TTN: variants seen among roughly 807,000 people sequenced by gnomAD.
TTN encodes the protein titin.
Under a neutral mutation model 3,223.0 loss-of-function variants are expected in TTN, and 1,525 were observed. That is an observed-to-expected ratio of 0.47 (90% CI 0.45 to 0.49). TTN has a LOEUF of 0.49. TTN is among the 20% of genes least tolerant of loss of function. The pLI is 0.00. For missense variants in TTN, 40,786 were observed against 43,424.0 expected, an observed-to-expected ratio of 0.94 and a Z score of 5.40; for synonymous variants, 14,094 against 15,161.0, an observed-to-expected ratio of 0.93 and a Z score of 5.17.
At chr2:178,667,105 G>T in intron 162 of TTN, 131 bp downstream of exon 162, 1 of 957,870 alleles carries the variant, frequency 1.0e-6, no homozygotes, top group Non-Finnish European at 1.5e-6. Flanking sequence ...CTTTGTTGTG[G>T]GTATATCAGA....
chr2:178,738,150 C>A lies in TTN; in HGVS notation c.14303G>T (p.Gly4768Val), dbSNP rs2081859448. The A allele has an allele frequency of 6.2e-7, 1 of 1,613,690 alleles. No individual in the cohort carries two copies. Among genetic ancestry groups the A allele is most frequent in the African/African-American group, 1.3e-5 (1 of 74,922 alleles). ...EILRTQVVDC[G>V]EYTCKASNEY... ...ATTGGAAGCTTTGCATGTATACTCG[C>A]CGCAGTCAACCACCTGGGTTCTCAG... The change falls in exon 49 of 363, where the codon GGC (glycine) becomes GTC (valine). Residue 4768 changes from glycine (G) to valine (V), a missense_variant. Gly to Val is a moderately radical substitution (Grantham distance 109). Coordinates refer to ENST00000589042, the MANE Select transcript of TTN (RefSeq NM_001267550.2).
rs956461857 is a variant in TTN at position 178,542,875 on chromosome 2, C to T, written c.96979G>A (p.Val32327Met). 2.5e-6 allele frequency: 4 copies of T among 1,613,784 alleles called. No homozygotes were observed. The highest frequency in any genetic ancestry group is 2.5e-6 in the Non-Finnish European group (3 of 1,179,748). The change falls in exon 348 of 363, where the codon GTG (valine) becomes ATG (methionine). Residue 32327 changes from valine to methionine, a missense_variant. Physicochemically the swap from Val to Met is conservative, Grantham distance 21. Coordinates refer to ENST00000589042, the MANE Select transcript of TTN (RefSeq NM_001267550.2). ...GGTGGACGGCCAGCAATAGGTATCA[C>T]CAGCTCTACTGGTCTGCCAGCTGGG... Reference protein sequence around the residue: ...HVPAGRPVELVIPIAGRPPPA... With the variant: ...HVPAGRPVELMIPIAGRPPPA...
intron 88 of TTN, among the ~76,000 whole-genome samples, chr2:178,716,695 T>C (rs1386927401): frequency 6.6e-6 from 1 of 152,172 alleles, no homozygotes; most frequent in Non-Finnish European, 1.5e-5. Flanking sequence ...AAGGGCTTGA[T>C]AGTTTGGCTC....
chr2:178,588,730 A>C lies in TTN; in HGVS notation c.62995T>G (p.Phe20999Val), dbSNP rs568886353. The change falls in exon 304 of 363, where the codon TTT (phenylalanine) becomes GTT (valine). Residue 20999 changes from phenylalanine to valine, a missense_variant. By Grantham distance (50) the Phe-to-Val change is conservative. Coordinates refer to ENST00000589042, the MANE Select transcript of TTN (RefSeq NM_001267550.2). ...YDGGKSITGY[F>V]LEKKEKHSTR... Reference sequence around the variant, plus strand: ...GAATGCTTTTCCTTTTTCTCCAAAAAGTATCCAGTTATAGACTTTCCACCA... The same window carrying C: ...GAATGCTTTTCCTTTTTCTCCAAAACGTATCCAGTTATAGACTTTCCACCA... The C allele has an allele frequency of 1.5e-5, 24 of 1,613,222 alleles. No individual in the cohort carries two copies. The East Asian group carries it at 3.1e-4, about 21-fold the overall frequency.
chr2:178,749,333 T>G (rs1278174059), intron 47 of TTN: 1 of 1,612,666 alleles, frequency 6.2e-7, no homozygotes, highest in Non-Finnish European at 8.5e-7. Flanking sequence ...AGCCTGACAT[T>G]GTATGAATTC....
intron 47 of TTN, among the ~76,000 whole-genome samples, chr2:178,744,250 T>C (rs2083028730): frequency 6.6e-6 from 1 of 151,906 alleles, no homozygotes; most frequent in Non-Finnish European, 1.5e-5. Context: ...AGATAAAATT[T>C]ATCTTTCATT....
At chr2:178,698,731 T>C (rs528095803) in intron 112 of TTN, 112 bp downstream of exon 112, 172 of 961,654 alleles carry the variant, frequency 1.8e-4, no homozygotes, top group Non-Finnish European at 2.0e-4. Context: ...AAGGGAGAGG[T>C]ACCATTTTGT....
At position 178,553,180 on chromosome 2, in the gene TTN, G is replaced by A. The variant is rs762852359; in HGVS notation, c.89720C>T (p.Thr29907Ile). The A allele has an allele frequency of 3.1e-6, 5 of 1,613,834 alleles. No individual in the cohort carries two copies. Among genetic ancestry groups the A allele is most frequent in the South Asian group, 2.2e-5 (2 of 91,068 alleles). Residue 29907 changes from threonine to isoleucine, a missense_variant, in exon 335 of 363, where the codon ACA becomes ATA. Transcript: ENST00000589042. ...LTIPQVTRND[T>I]GKYILTIENG... is the part of the protein sequence containing the mutation. ...TTCTATTGTGAGAATATATTTTCCT[G>A]TATCATTGCGAGTAACTTGAGGAAT...
intron 296 of TTN, 48 bp from the exon 297 acceptor site, chr2:178,594,290 T>C (rs377578849): frequency 4.6e-5 from 74 of 1,594,494 alleles, no homozygotes; most frequent in Admixed American, 2.9e-4. Context: ...GATGTCTTAT[T>C]ACAAATCTAC....
chr2:178,771,403 C>T lies in TTN; in HGVS notation c.7924G>A (p.Glu2642Lys). Residue 2642 changes from glutamate (E) to lysine (K), a missense_variant, in exon 34 of 363, where the codon GAA becomes AAA. Transcript: ENST00000589042. ...CCTTTGGAATCTGGGTTGGCAACTT[C>T]ACATTCAAACACAGCTTCCTGGGAT... ...AESQEAVFEC[E>K]VANPDSKGEW... is the part of the protein sequence containing the mutation. 6.2e-7 allele frequency: 1 copy of T among 1,613,988 alleles called. No individual in the cohort carries two copies. The highest frequency in any genetic ancestry group is 8.5e-7 in the Non-Finnish European group (1 of 1,179,908).
In TTN at chr2:178,601,434, A is replaced by C. The variant is rs887160734; in HGVS notation, c.55563T>G (p.Ile18521Met). 6.2e-7 allele frequency: 1 copy of C among 1,612,886 alleles called. No individual in the cohort carries two copies. Residue 18521 changes from isoleucine (I) to methionine (M), a missense_variant, in exon 287 of 363, where the codon ATT becomes ATG. By Grantham distance (10) the Ile-to-Met change is conservative. Transcript: ENST00000589042. ...IKGYVIEKRT[I>M]DGKAWTKVNP... is the part of the protein sequence containing the mutation. Reference sequence around the variant, plus strand: ...TGACTTTGGTCCAGGCTTTTCCATCAATAGTCCTCTTCTCAATAACATAGC... The same window carrying C: ...TGACTTTGGTCCAGGCTTTTCCATCCATAGTCCTCTTCTCAATAACATAGC...
intron 240 of TTN, among the ~76,000 whole-genome samples, 199 bp from the exon 241 acceptor site, chr2:178,625,595 T>C (rs1046410876): frequency 3.9e-5 from 6 of 152,006 alleles, no homozygotes; most frequent in Non-Finnish European, 8.8e-5. Flanking sequence ...TATTATACTT[T>C]AAGTTTTAGG....
In TTN at chr2:178,575,502, T is replaced by A; in HGVS notation, c.70630A>T (p.Ile23544Leu). The A allele has an allele frequency of 6.2e-7, 1 of 1,613,708 alleles. No individual in the cohort carries two copies. The highest frequency in any genetic ancestry group is 8.5e-7 in the Non-Finnish European group (1 of 1,179,662). Residue 23544 changes from isoleucine to leucine, a missense_variant, in exon 326 of 363, where the codon ATA becomes TTA. Ile to Leu is a conservative substitution (Grantham distance 5, BLOSUM62 2). Coordinates refer to ENST00000589042, the MANE Select transcript of TTN (RefSeq NM_001267550.2). This position sits in a 1 kb window ranked among gnomAD's most constrained non-coding sequence, Gnocchi z 4.0. ...GCCAGGCTGACGGTGCTCTTAGTTA[T>A]GTCCATGATGTTAAGGCTGTCTGGT... The part of the protein sequence containing the change: ...SPPDSLNIMD[I>L]TKSTVSLAWP...
chr2:178,736,428 G>A lies in TTN; in HGVS notation c.14372-354C>T, dbSNP rs80292019. Among the ~76,000 whole-genome samples, 930 of 152,270 alleles carry A rather than the reference G, an allele frequency of 6.1e-3. 23 individuals are homozygous for A. The East Asian group carries it at 0.11, about 17-fold the overall frequency. On this transcript the variant is annotated intron_variant, in intron 49 of 362. Transcript: ENST00000589042. The stretch of plus-strand genomic sequence containing the variant: ...GCAAATTAGAAGATTATGTAAGGAA[G>A]ATAAAGAAAATGTATTTGACTCTTC...
chr2:178,713,903 C>G lies in TTN; in HGVS notation c.26755G>C (p.Val8919Leu). The change falls in exon 92 of 363, where the codon GTT (valine) becomes CTT (leucine). Residue 8919 changes from valine (V) to leucine (L), a missense_variant. By Grantham distance (32) the Val-to-Leu change is conservative (BLOSUM62 1). Transcript: ENST00000589042. ...GKDSCTASLQ[V>L]SDRTVPPSFT... ...GCCCAAGAAATCAACCAACCTGAAA[C>G]CTGCAATGAAGCTGTGCAGCTGTCT... is the stretch of plus-strand genomic sequence containing the variant. 6.2e-7 allele frequency: 1 copy of G among 1,612,658 alleles called. No individual in the cohort carries two copies. The highest frequency in any genetic ancestry group is 1.3e-5 in the African/African-American group (1 of 74,980).
rs786205403 is a variant in TTN, at chr2:178,748,422, G to A, written c.11311+4702C>T. On this transcript the variant is annotated intron_variant, in intron 47 of 362. Transcript: ENST00000589042. ...TTTTGCACACTTTTAGAGATATTGTGTGTGTCAGGTTGTAACGTTTCAGGG... is the reference window on the plus strand; with the variant it reads ...TTTTGCACACTTTTAGAGATATTGTATGTGTCAGGTTGTAACGTTTCAGGG... 6 of 1,613,142 alleles carry A rather than the reference G, an allele frequency of 3.7e-6. No individual in the cohort carries two copies. In the East Asian group the frequency reaches 1.1e-4, roughly 30 times the overall value.
At position 178,547,144 on chromosome 2, in the gene TTN, C is replaced by G. The variant is rs1206905148; in HGVS notation, c.94381G>C (p.Val31461Leu). ...NTILWVKENK[V>L]PCLECNYKVT... ...TTGTAGTTGCACTCTAAGCATGGCA[C>G]TTTGTTTTCTTTCACCCAAAGAATT... Residue 31461 changes from valine (V) to leucine (L), a missense_variant, in exon 340 of 363, where the codon GTG (valine) becomes CTG (leucine). Transcript: ENST00000589042. The G allele has an allele frequency of 6.2e-7, 1 of 1,613,700 alleles. No individual in the cohort carries two copies. Among genetic ancestry groups the G allele is most frequent in the Non-Finnish European group, 8.5e-7 (1 of 1,179,774 alleles).
Position 178,570,226 on chromosome 2 carries a change from A to G in TTN, c.75906T>C (p.Phe25302=), listed in dbSNP as rs2154168404. The change falls in exon 326 of 363, where the codon TTT becomes TTC. Residue 25302 remains phenylalanine (F), a synonymous_variant. Transcript: ENST00000589042. ...ESEPVVAKNP[F]VVPDAPKAPE... The stretch of plus-strand genomic sequence containing the variant: ...GAGCTTTTGGTGCATCTGGTACTAC[A>G]AATGGATTCTTGGCAACTACTGGCT... The G allele has an allele frequency of 2.5e-6, 4 of 1,613,444 alleles. No individual in the cohort carries two copies. The highest frequency in any genetic ancestry group is 3.4e-6 in the Non-Finnish European group (4 of 1,179,622).
rs1709923349 is a variant in TTN, at chr2:178,575,939, G to C, written c.70193C>G (p.Thr23398Ser). ...RANIENTESF[T>S]LLIIPECNRY... is the part of the protein sequence containing the mutation. Reference sequence around the variant, plus strand: ...GTTACATTCTGGGATAATCAGAAGAGTAAATGATTCCGTATTTTCAATGTT... The same window carrying C: ...GTTACATTCTGGGATAATCAGAAGACTAAATGATTCCGTATTTTCAATGTT... The change falls in exon 326 of 363, where the codon ACT becomes AGT. Residue 23398 changes from threonine (T) to serine (S), a missense_variant. By Grantham distance (58) the Thr-to-Ser change is moderately conservative (BLOSUM62 1). Transcript: ENST00000589042. This position sits in a 1 kb window ranked among gnomAD's most constrained non-coding sequence, Gnocchi z 4.0. 1.2e-6 allele frequency: 2 copies of C among 1,612,446 alleles called. No homozygotes were observed. Among genetic ancestry groups the C allele is most frequent in the African/African-American group, 2.7e-5 (2 of 75,002 alleles).
Sources: allele counts gnomAD v4.1 joint callset (sites outside exome capture counted in the v4.1 genomes callset), GRCh38; gene constraint gnomAD v4.1.1; non-coding constraint Gnocchi (gnomAD v3.1); transcripts MANE v1.5; gene names NCBI Gene and HGNC (gene_info 2026-07-23, HGNC 2026-07-21).